The following PRKN variants were observed in gnomAD, a reference collection of about 807,000 sequenced individuals.
PRKN encodes parkin RBR E3 ubiquitin protein ligase.
Under a neutral mutation model 59.5 loss-of-function variants are expected in PRKN, and 56 were observed. The observed-to-expected ratio is 0.94, with a 90% CI of 0.76 to 1.18. The LOEUF (loss-of-function observed/expected upper bound fraction) is 1.18, where lower values mean the gene tolerates loss of function less well. PRKN is among the 50% of genes most tolerant of loss of function. PRKN has a pLI of 0.00. For missense variants in PRKN, 657 were observed against 596.4 expected (o/e 1.10, Z -1.06); for synonymous variants, 250 against 222.1 (o/e 1.13, Z -1.12).
chr6:161,572,103 G>A (rs906235681), intron 7 of PRKN, among the ~76,000 whole-genome samples: 5 of 152,108 alleles, frequency 3.3e-5, no homozygotes, highest in African/African-American at 1.2e-4. Flanking sequence ...CCCAGTAAAC[G>A]TCCTCTTGTC....
intron 3 of PRKN, among the ~76,000 whole-genome samples, chr6:162,216,548 A>AC (rs1777673814): frequency 6.7e-6 from 1 of 149,998 alleles, no homozygotes; most frequent in African/African-American, 2.5e-5. Context: ...AAAAAAAAAA[A>AC]AAAAAAAAAA....
chr6:162,700,500 T>C (rs7772318), intron 1 of PRKN, among the ~76,000 whole-genome samples: 2,613 of 152,236 alleles, frequency 0.017, 71 homozygotes, highest in African/African-American at 0.06. Context: ...CACTTCTTAG[T>C]TGGCCTTCAG....
chr6:161,422,250 G>A (rs1407371355), intron 9 of PRKN, among the ~76,000 whole-genome samples: 1 of 148,578 alleles, frequency 6.7e-6, no homozygotes, highest in Non-Finnish European at 1.5e-5. Flanking sequence ...CCACGCTGGA[G>A]TGCAGTGGCA....
At chr6:162,472,468 T>TATATATATATA (rs1385821060) in intron 1 of PRKN, among the ~76,000 whole-genome samples, 86 of 104,210 alleles carry the variant, frequency 8.3e-4, no homozygotes, top group East Asian at 1.6e-3. Flanking sequence ...TTTTATTTTA[T>TATATATATATA]TTTATTTTAT....
At chr6:162,576,345 A>G (rs9458612) in intron 1 of PRKN, among the ~76,000 whole-genome samples, 28,041 of 152,136 alleles carry the variant, frequency 0.18, 3,226 homozygotes, top group East Asian at 0.48. Context: ...TAATACAAAC[A>G]CTAAATGTAA....
intron 2 of PRKN, among the ~76,000 whole-genome samples, chr6:162,422,954 C>CAAAAAAAAAAAAA (rs61557917): frequency 9.1e-5 from 6 of 65,710 alleles, no homozygotes; most frequent in Non-Finnish European, 1.4e-4. Flanking sequence ...TCCAAGAGAC[C>CAAAAAAAAAAAAA]AAAAAAAAAA....
intron 7 of PRKN, among the ~76,000 whole-genome samples, chr6:161,764,522 G>GAA (rs1156293460): frequency 6.6e-5 from 10 of 152,182 alleles, no homozygotes; most frequent in Non-Finnish European, 5.9e-5. Flanking sequence ...AATGTGACCA[G>GAA]ATGCACCATT....
Position 161,487,173 on chromosome 6 carries a change from T to G in PRKN, c.1083+61681A>C, listed in dbSNP as rs139997256. On this transcript the variant is annotated intron_variant, in intron 9 of 11. Transcript: ENST00000366898. The surrounding 1 kb of genome is among the most constrained non-coding windows in gnomAD (Gnocchi z 5.3). Reference sequence around the variant, plus strand: ...TGTGCCCAGGACTGTATATGGATCATGTTTAATCCAAAAGCAATTCTGAGT... The same window carrying G: ...TGTGCCCAGGACTGTATATGGATCAGGTTTAATCCAAAAGCAATTCTGAGT... Among the ~76,000 whole-genome samples the G allele has an allele frequency of 2.0e-5, 3 of 152,232 alleles. No individual in the cohort carries two copies. Among genetic ancestry groups the G allele is most frequent in the Non-Finnish European group, 4.4e-5 (3 of 68,038 alleles).
At chr6:162,297,868 A>G (rs937897948) in intron 2 of PRKN, among the ~76,000 whole-genome samples, 3 of 152,144 alleles carry the variant, frequency 2.0e-5, no homozygotes, top group Admixed American at 1.3e-4. Context: ...GCTAAAAATC[A>G]TACTCTCAAC....
chr6:161,548,965 GA>G lies in PRKN; in HGVS notation c.971del (p.Val324AlafsTer111), dbSNP rs1562519380. The G allele has an allele frequency of 5.0e-6, 8 of 1,614,124 alleles. No homozygotes were observed. Among genetic ancestry groups the G allele is most frequent in the Non-Finnish European group, 5.9e-6 (7 of 1,180,006 alleles). ...GGCATAACACGCCCCCCATCTGCAG[GA>G]CACACTCCTCTGCACCATACTGCTG... is the stretch of plus-strand genomic sequence containing the variant. ...RYQQYGAEEC[V>X]LQMGGVLCPR... On this transcript the variant is annotated frameshift_variant, in exon 9 of 12. Transcript: ENST00000366898. LOFTEE classifies it high-confidence loss of function. This position sits in a 1 kb window ranked among gnomAD's most constrained non-coding sequence, Gnocchi z 4.2.
rs567448624 is a variant in PRKN, at chr6:161,917,055, G to A, written c.734+56247C>T. ...CTGACCTCGTGATCCGTCTGCCTCC[G>A]CCTCCCAAAGTGCTGGGATTACAGG... On this transcript the variant is annotated intron_variant, in intron 6 of 11. Transcript: ENST00000366898. Among the ~76,000 whole-genome samples, 18 of 152,072 alleles carry A rather than the reference G, an allele frequency of 1.2e-4. No individual in the cohort carries two copies. The South Asian group carries it at 1.2e-3, about 11-fold the overall frequency.
In PRKN at chr6:161,837,562, G is replaced by T. The variant is rs1442343657; in HGVS notation, c.735-51654C>A. ...ACTTCTTAATTTCCTGGGTGTCTGG[G>T]TTTTTTTTCCTTTAAAAAAAAAAAA... is the stretch of plus-strand genomic sequence containing the variant. On this transcript the variant is annotated intron_variant, in intron 6 of 11. Transcript: ENST00000366898. 3.2e-4 allele frequency among the ~76,000 whole-genome samples: 47 copies of T among 147,450 alleles called. 1 individual carries two copies. The highest frequency in any genetic ancestry group is 3.0e-3 in the Admixed American group (45 of 14,908).
In PRKN at chr6:162,401,106, C is replaced by A. The variant is rs369514577; in HGVS notation, c.171+42204G>T. On this transcript the variant is annotated intron_variant, in intron 2 of 11. Coordinates refer to ENST00000366898, the MANE Select transcript of PRKN (RefSeq NM_004562.3). ...TTGCAAAAGCAAGTGTTTTTAAAAA[C>A]AAGGAATAAAAAGTATGTTTTCATG... Among the ~76,000 whole-genome samples the A allele has an allele frequency of 6.6e-5, 10 of 151,750 alleles. No homozygotes were observed. The South Asian group carries it at 1.0e-3, about 16-fold the overall frequency.
At chr6:161,565,676 A>C (rs900537769) in intron 8 of PRKN, among the ~76,000 whole-genome samples, 2 of 152,110 alleles carry the variant, frequency 1.3e-5, no homozygotes, top group Non-Finnish European at 2.9e-5. Flanking sequence ...ACTGTGAGTC[A>C]ATTAAACCTC....
chr6:162,551,709 G>C (rs1244390812), intron 1 of PRKN, among the ~76,000 whole-genome samples: 1 of 151,762 alleles, frequency 6.6e-6, no homozygotes, highest in Non-Finnish European at 1.5e-5. Flanking sequence ...AGAAGCTCCG[G>C]CCTCATCGTT....
At chr6:162,277,006 T>C (rs1230043028) in intron 2 of PRKN, among the ~76,000 whole-genome samples, 1 of 152,098 alleles carries the variant, frequency 6.6e-6, no homozygotes, top group Non-Finnish European at 1.5e-5. Flanking sequence ...CATGAATATA[T>C]GATAATATTA....
At chr6:162,507,058 A>C (rs1004233974) in intron 1 of PRKN, among the ~76,000 whole-genome samples, 10 of 152,192 alleles carry the variant, frequency 6.6e-5, no homozygotes, top group Admixed American at 2.0e-4. Flanking sequence ...AAGAATGAGA[A>C]GGCAAGCACT....
intron 6 of PRKN, among the ~76,000 whole-genome samples, chr6:161,885,309 T>C (rs907351359): frequency 6.0e-4 from 92 of 152,272 alleles, no homozygotes; most frequent in African/African-American, 2.1e-3. Flanking sequence ...GACTGGCTTC[T>C]ATCTGGGTTC....
Position 161,406,082 on chromosome 6 carries a change from T to C in PRKN, c.1084-19205A>G, listed in dbSNP as rs983662117. 4.6e-5 allele frequency among the ~76,000 whole-genome samples: 7 copies of C among 152,012 alleles called. No homozygotes were observed. In the East Asian group the frequency reaches 1.3e-3, roughly 29 times the overall value. ...AATGACCCTCACAATCTCCTGGCTT[T>C]ATGTTTTGTTCCTTTATACATACGT... On this transcript the variant is annotated intron_variant, in intron 9 of 11. Coordinates refer to ENST00000366898, the MANE Select transcript of PRKN (RefSeq NM_004562.3).
Sources: allele counts gnomAD v4.1 joint callset (sites outside exome capture counted in the v4.1 genomes callset), GRCh38; gene constraint gnomAD v4.1.1; non-coding constraint Gnocchi (gnomAD v3.1); transcripts MANE v1.5; gene names NCBI Gene and HGNC (gene_info 2026-07-23, HGNC 2026-07-21).